Variants in ADGRV1 observed in about 807,000 individuals in gnomAD.
The protein encoded by ADGRV1 is adhesion G protein-coupled receptor V1.
In ADGRV1, 359 loss-of-function variants were observed where a neutral mutation model predicts 596.2. The observed-to-expected ratio is 0.60, with a 90% CI of 0.55 to 0.66. The LOEUF is 0.66. ADGRV1 is among the 30% of genes least tolerant of loss of function. The pLI is 0.00. For missense variants in ADGRV1, 7,274 were observed against 7,575.6 expected, an observed-to-expected ratio of 0.96 and a Z score of 1.48; for synonymous variants, 2,681 against 2,679.2, an observed-to-expected ratio of 1.00 and a Z score of -0.02.
At chr5:90,861,336 G>A (rs1767538484) in intron 82 of ADGRV1, among the ~76,000 whole-genome samples, 2 of 151,456 alleles carry the variant, frequency 1.3e-5, no homozygotes, top group South Asian at 2.1e-4. Context: ...TGGAGGCAGA[G>A]TCTTGCTCTG....
chr5:90,911,580 T>G (rs992165894), intron 83 of ADGRV1, among the ~76,000 whole-genome samples: 18 of 152,338 alleles, frequency 1.2e-4, no homozygotes, highest in Admixed American at 9.2e-4. Flanking sequence ...GCAATTTTTA[T>G]TGATATAAAA....
chr5:90,949,333 A>C (rs920216959), intron 83 of ADGRV1, among the ~76,000 whole-genome samples: 5 of 152,152 alleles, frequency 3.3e-5, no homozygotes, highest in African/African-American at 1.2e-4. Context: ...ATTTAAGGTG[A>C]GTGCACCCTA....
intron 83 of ADGRV1, among the ~76,000 whole-genome samples, chr5:90,928,950 C>CG (rs1774877162): frequency 6.8e-6 from 1 of 147,038 alleles, no homozygotes; most frequent in Non-Finnish European, 1.5e-5. Flanking sequence ...GCTCGGGGGT[C>CG]AGGGGTCAGG....
At chr5:90,823,173 G>A (rs1238776292) in intron 75 of ADGRV1, among the ~76,000 whole-genome samples, 2 of 152,108 alleles carry the variant, frequency 1.3e-5, no homozygotes, top group African/African-American at 2.4e-5. Flanking sequence ...AGAGTATTAG[G>A]ATACTTATTC....
Position 90,626,974 on chromosome 5 carries a change from C to T in ADGRV1, c.673-237C>T, listed in dbSNP as rs370595071. 3.8e-4 allele frequency among the ~76,000 whole-genome samples: 58 copies of T among 152,292 alleles called. No individual in the cohort carries two copies. The South Asian group carries it at 0.012, about 30-fold the overall frequency. On this transcript the variant is annotated intron_variant, in intron 6 of 89. Transcript: ENST00000405460. ...AAGGCTGAAAGACATTATACCTGGACTTCATTACTTGTACTATTGCTTCCT... is the reference window on the plus strand; with the variant it reads ...AAGGCTGAAAGACATTATACCTGGATTTCATTACTTGTACTATTGCTTCCT...
At chr5:90,987,058 T>C (rs1780553807) in intron 85 of ADGRV1, among the ~76,000 whole-genome samples, 1 of 152,228 alleles carries the variant, frequency 6.6e-6, no homozygotes, top group Admixed American at 6.5e-5. Context: ...GATCAAAGAA[T>C]GTCCAAATGA....
At chr5:91,123,492 A>G (rs1308744309) in intron 87 of ADGRV1, among the ~76,000 whole-genome samples, 1 of 152,144 alleles carries the variant, frequency 6.6e-6, no homozygotes, top group East Asian at 1.9e-4. Context: ...ATTTTATATC[A>G]GCACTAATCC....
intron 85 of ADGRV1, among the ~76,000 whole-genome samples, chr5:91,055,614 G>A (rs1049453518): frequency 1.3e-5 from 2 of 152,236 alleles, no homozygotes; most frequent in African/African-American, 4.8e-5. Flanking sequence ...TCAAAGCCAG[G>A]GCTATCTGAT....
At chr5:90,972,765 T>G (rs946794456) in intron 84 of ADGRV1, among the ~76,000 whole-genome samples, 12 of 151,936 alleles carry the variant, frequency 7.9e-5, no homozygotes, top group African/African-American at 2.7e-4. Context: ...GATCTAAAAT[T>G]GACACGCTAA....
chr5:90,716,572 G>A lies in ADGRV1; in HGVS notation c.9290G>A (p.Ser3097Asn). 2 of 1,613,824 alleles carry A rather than the reference G, an allele frequency of 1.2e-6. No homozygotes were observed. Among genetic ancestry groups the A allele is most frequent in the Non-Finnish European group, 1.7e-6 (2 of 1,179,778 alleles). ...CCAACAGCTCTCTACGTCCAGGAGAGTGTTGCAGTATTGTACATTGTTCGG... is the reference window on the plus strand; with the variant it reads ...CCAACAGCTCTCTACGTCCAGGAGAATGTTGCAGTATTGTACATTGTTCGG... ...REPTALYVQE[S>N]VAVLYIVREP... is the part of the protein sequence containing the mutation. Residue 3097 changes from serine to asparagine, a missense_variant, in exon 43 of 90, where the codon AGT becomes AAT. Coordinates refer to ENST00000405460, the MANE Select transcript of ADGRV1 (RefSeq NM_032119.4).
chr5:90,890,505 C>T lies in ADGRV1; in HGVS notation c.17856+26648C>T, dbSNP rs545754157. On this transcript the variant is annotated intron_variant, in intron 83 of 89. Transcript: ENST00000405460. ...TCATAAAACCCAGTGCTCAGTTCAC[C>T]CACCTGTTAAATGAAGCATATTTCC... Among the ~76,000 whole-genome samples, 19 of 152,192 alleles carry T rather than the reference C, an allele frequency of 1.2e-4. No homozygotes were observed. In the South Asian group the frequency reaches 3.5e-3, roughly 28 times the overall value.
chr5:90,828,347 C>T (rs1450013022), intron 76 of ADGRV1, among the ~76,000 whole-genome samples: 1 of 151,322 alleles, frequency 6.6e-6, no homozygotes, highest in Non-Finnish European at 1.5e-5. Context: ...CCATTTTTTT[C>T]CCCCTCCTCA....
intron 9 of ADGRV1, among the ~76,000 whole-genome samples, chr5:90,632,059 A>G (rs1765573235): frequency 6.9e-6 from 1 of 145,538 alleles, no homozygotes; most frequent in African/African-American, 2.6e-5. Flanking sequence ...TGACATTAGC[A>G]CTTGTTTGTC....
At chr5:91,083,129 A>G (rs145098475) in intron 86 of ADGRV1, among the ~76,000 whole-genome samples, 8 of 152,144 alleles carry the variant, frequency 5.3e-5, no homozygotes, top group African/African-American at 1.9e-4. Flanking sequence ...TTCTCAGCAA[A>G]GTGTCGCAAG....
At chr5:90,916,789 C>T (rs1196214579) in intron 83 of ADGRV1, among the ~76,000 whole-genome samples, 3 of 132,650 alleles carry the variant, frequency 2.3e-5, no homozygotes, top group East Asian at 2.5e-4. Context: ...CCCGCCACTA[C>T]GCCCGGCTAA....
chr5:90,961,523 A>T (rs1258919898), intron 83 of ADGRV1, among the ~76,000 whole-genome samples: 4 of 134,404 alleles, frequency 3.0e-5, no homozygotes, highest in Admixed American at 7.3e-5. Flanking sequence ...GGTGGCGGTC[A>T]TTTCAAGAAT....
chr5:90,708,604 T>A (rs1748915824), intron 38 of ADGRV1, among the ~76,000 whole-genome samples: 1 of 151,888 alleles, frequency 6.6e-6, no homozygotes, highest in African/African-American at 2.4e-5. Flanking sequence ...ATTTAAGTGG[T>A]TTCATGTGGG....
At chr5:90,575,274 G>A (rs995057844) in intron 1 of ADGRV1, among the ~76,000 whole-genome samples, 4 of 151,434 alleles carry the variant, frequency 2.6e-5, no homozygotes, top group African/African-American at 9.7e-5. Flanking sequence ...TATTCTTTGA[G>A]ACAGAGTCTC....
chr5:91,022,988 T>A (rs953189112), intron 85 of ADGRV1, among the ~76,000 whole-genome samples: 1 of 152,142 alleles, frequency 6.6e-6, no homozygotes, highest in Non-Finnish European at 1.5e-5. Context: ...ACATTTGGGA[T>A]CCTATGGATC....
Sources: gnomAD v4.1 joint callset for allele counts (sites outside exome capture counted in the v4.1 genomes callset) on GRCh38, gnomAD v4.1.1 for gene constraint, MANE v1.5 for transcripts, NCBI Gene and HGNC (gene_info 2026-07-23, HGNC 2026-07-21) for gene names.